The following ELF2 variants were observed in gnomAD, a reference collection of about 807,000 sequenced individuals.
The protein encoded by ELF2 is E74 like ETS transcription factor 2, also known as ETS-related transcription factor Elf-2.
ELF2 carries 11 observed loss-of-function variants against 54.8 expected under a neutral mutation model. That is an observed-to-expected ratio of 0.20 (90% CI 0.13 to 0.33). The LOEUF is 0.33. ELF2 is among the 10% of genes least tolerant of loss of function. The pLI, the probability that ELF2 is intolerant of heterozygous loss-of-function variation, is 1.00. For missense variants in ELF2, 513 were observed against 703.0 expected, an observed-to-expected ratio of 0.73 and a Z score of 3.06; for synonymous variants, 203 against 245.1, an observed-to-expected ratio of 0.83 and a Z score of 1.61.
At position 139,164,626 on chromosome 4, in the gene ELF2, G is replaced by C. The variant is rs545847612; in HGVS notation, c.-252+12341C>G. ...CACTCTAGCCTAGGTGACAGAATGA[G>C]ACCCTGGCTCAAAACAACAACAAAT... is the stretch of plus-strand genomic sequence containing the variant. On this transcript the variant is annotated intron_variant, in intron 1 of 9. Transcript: ENST00000686138. Among the ~76,000 whole-genome samples the C allele has an allele frequency of 2.4e-4, 36 of 152,280 alleles. 1 individual carries two copies. The South Asian group carries it at 3.5e-3, about 15-fold the overall frequency.
chr4:139,109,322 T>C (rs2148804135), intron 4 of ELF2, among the ~76,000 whole-genome samples: 1 of 152,280 alleles, frequency 6.6e-6, no homozygotes, highest in South Asian at 2.1e-4. Flanking sequence ...AAAAATGCAC[T>C]ACCACGGCAT....
At chr4:139,072,093 T>G (rs1729599163) in intron 5 of ELF2, 54 bp from the exon 6 acceptor site, 4 of 1,554,384 alleles carry the variant, frequency 2.6e-6, no homozygotes, top group Non-Finnish European at 3.5e-6. Context: ...ATGTTTCTTA[T>G]GTGGACAGTT....
chr4:139,060,787 T>A, intron 8 of ELF2, 113 bp from the exon 9 acceptor site: 1 of 858,738 alleles, frequency 1.2e-6, no homozygotes, highest in Non-Finnish European at 1.8e-6. Flanking sequence ...CCCTTATCTC[T>A]AATAACAGAT....
At chr4:139,085,158 C>T (rs1731836441) in intron 4 of ELF2, among the ~76,000 whole-genome samples, 1 of 152,100 alleles carries the variant, frequency 6.6e-6, no homozygotes, top group South Asian at 2.1e-4. Flanking sequence ...ATACAATGGA[C>T]AAGGGAGATA....
At chr4:139,113,779 CG>C (rs1735231769) in intron 4 of ELF2, among the ~76,000 whole-genome samples, 1 of 150,076 alleles carries the variant, frequency 6.7e-6, no homozygotes, top group Non-Finnish European at 1.5e-5. Flanking sequence ...CGCTTGAACC[CG>C]GGAGGCAGAG....
In ELF2 at chr4:139,115,066, A is replaced by C; in HGVS notation, c.238+10098T>G. On this transcript the variant is annotated intron_variant, in intron 4 of 9. Coordinates refer to ENST00000686138, the MANE Select transcript of ELF2 (RefSeq NM_001331036.3). ...GGCAGCCCGGGCATCGTCACTCTCCATGTCCAGGAGCTCATCCACGTCAAT... is the reference window on the plus strand; with the variant it reads ...GGCAGCCCGGGCATCGTCACTCTCCCTGTCCAGGAGCTCATCCACGTCAAT... The C allele has an allele frequency of 8.1e-6, 13 of 1,613,712 alleles. No individual in the cohort carries two copies. The South Asian group carries it at 1.3e-4, about 16-fold the overall frequency.
At position 139,163,993 on chromosome 4, in the gene ELF2, G is replaced by A. The variant is rs1435799917; in HGVS notation, c.-252+12974C>T. Among the ~76,000 whole-genome samples the A allele has an allele frequency of 1.8e-4, 26 of 146,692 alleles. No individual in the cohort carries two copies. The Admixed American group carries it at 1.8e-3, about 10-fold the overall frequency. ...AAAGGAAAGGAAAGGAAAGAAAGAAGGAAAGGAAAGGGGCAAGGGCAAGAG... is the reference window on the plus strand; with the variant it reads ...AAAGGAAAGGAAAGGAAAGAAAGAAAGAAAGGAAAGGGGCAAGGGCAAGAG... On this transcript the variant is annotated intron_variant, in intron 1 of 9. Coordinates refer to ENST00000686138, the MANE Select transcript of ELF2 (RefSeq NM_001331036.3).
chr4:139,156,850 T>G (rs1053733111), intron 1 of ELF2, among the ~76,000 whole-genome samples: 1 of 151,978 alleles, frequency 6.6e-6, no homozygotes, highest in African/African-American at 2.4e-5. Flanking sequence ...GCCAGGCTGG[T>G]CTCGAACTCC....
chr4:139,100,874 G>A (rs892827320), intron 4 of ELF2, among the ~76,000 whole-genome samples: 2 of 152,114 alleles, frequency 1.3e-5, no homozygotes, highest in Admixed American at 1.3e-4. Context: ...GGTAGGAGGA[G>A]GAGGCAATAA....
chr4:139,136,703 C>T (rs1293559891), intron 3 of ELF2: 4 of 140,646 alleles, frequency 2.8e-5, no homozygotes, highest in East Asian at 2.1e-4. Context: ...CTCGCTCTGT[C>T]GCACAGGCTG....
At chr4:139,065,500 A>G (rs1049448393) in intron 7 of ELF2, among the ~76,000 whole-genome samples, 6 of 152,156 alleles carry the variant, frequency 3.9e-5, no homozygotes, top group Non-Finnish European at 7.4e-5. Context: ...ATTAAAAATT[A>G]TATTTCTGGT....
intron 1 of ELF2, among the ~76,000 whole-genome samples, chr4:139,145,663 C>T (rs1739157831): frequency 6.6e-6 from 1 of 152,168 alleles, no homozygotes; most frequent in Non-Finnish European, 1.5e-5. Flanking sequence ...CTAACCAAAT[C>T]AAATGGCACA....
chr4:139,154,718 G>A lies in ELF2; in HGVS notation c.-251-15221C>T, dbSNP rs569265118. On this transcript the variant is annotated intron_variant, in intron 1 of 9. Coordinates refer to ENST00000686138, the MANE Select transcript of ELF2 (RefSeq NM_001331036.3). ...TGATAGCTTATCTTCATGAGTGCAG[G>A]ACAAAAGAGTTCTAAGTCATCCCTC... Among the ~76,000 whole-genome samples the A allele has an allele frequency of 5.3e-5, 8 of 150,016 alleles. No homozygotes were observed. In the East Asian group the frequency reaches 1.4e-3, roughly 25 times the overall value.
intron 1 of ELF2, among the ~76,000 whole-genome samples, chr4:139,142,035 G>A (rs914010031): frequency 2.6e-5 from 4 of 152,154 alleles, no homozygotes; most frequent in Admixed American, 6.5e-5. Flanking sequence ...TTAGGTGCCC[G>A]GGTCCAGTAG....
At chr4:139,140,232 C>T (rs1738572371) in intron 1 of ELF2, among the ~76,000 whole-genome samples, 1 of 152,192 alleles carries the variant, frequency 6.6e-6, no homozygotes, top group Non-Finnish European at 1.5e-5. Flanking sequence ...CCTGCTATGT[C>T]ACCCCACCAA....
At chr4:139,141,821 T>C (rs1455322123) in intron 1 of ELF2, among the ~76,000 whole-genome samples, 1 of 152,188 alleles carries the variant, frequency 6.6e-6, no homozygotes, top group Non-Finnish European at 1.5e-5. Flanking sequence ...TTACACTCTT[T>C]CTAAGCTATG....
At chr4:139,084,538 G>T in intron 4 of ELF2, 1 of 570,854 alleles carries the variant, frequency 1.8e-6, no homozygotes, top group Non-Finnish European at 2.3e-6. Context: ...CCGGACGCTT[G>T]CTCCAGAGAG....
chr4:139,092,414 T>TAACAA (rs70940488), intron 4 of ELF2, among the ~76,000 whole-genome samples: 8,761 of 87,674 alleles, frequency 0.1, 833 homozygotes, highest in Non-Finnish European at 0.11. Context: ...TAACATAACA[T>TAACAA]ACATAACATA....
Position 139,057,523 on chromosome 4 carries a change from A to C in ELF2, c.*1460T>G, listed in dbSNP as rs1222637338. On this transcript the variant is annotated 3_prime_UTR_variant, in exon 10 of 10. Transcript: ENST00000686138. ...AATCCTTCAGATACCTTAACTTCCT[A>C]ATCTGTAAAAGGGCTAGAAGAGTAA... The C allele has an allele frequency of 3.9e-5, 6 of 152,200 alleles. No individual in the cohort carries two copies. The East Asian group carries it at 7.7e-4, about 20-fold the overall frequency. 9.4% of individuals were successfully genotyped at this position (152,200 alleles called of 1,614,324 possible).
Sources: gnomAD v4.1 joint callset for allele counts (sites outside exome capture counted in the v4.1 genomes callset) on GRCh38, gnomAD v4.1.1 for gene constraint, MANE v1.5 for transcripts, NCBI Gene and HGNC (gene_info 2026-07-23, HGNC 2026-07-21) for gene names.